The following PTPRD variants were observed in gnomAD, a reference collection of about 807,000 sequenced individuals.
The protein encoded by PTPRD is protein tyrosine phosphatase receptor type D, also known as receptor-type tyrosine-protein phosphatase delta.
A neutral mutation model predicts 214.5 loss-of-function variants in PTPRD; 34 were observed. The observed-to-expected ratio is 0.16, with a 90% CI of 0.12 to 0.21. The LOEUF (loss-of-function observed/expected upper bound fraction) is 0.21. Ranked by LOEUF, PTPRD falls within the 10% of genes least tolerant of loss-of-function variation. The probability of loss-of-function intolerance (pLI) is 1.00; values close to 1 mark genes in which losing one functional copy is unlikely to be tolerated. For missense variants in PTPRD, 2,545 were observed against 2,398.7 expected (o/e 1.06, Z -1.27); for synonymous variants, 1,128 against 845.7 (o/e 1.33, Z -5.79).
intron 10 of PTPRD, among the ~76,000 whole-genome samples, chr9:9,083,487 G>A (rs185140004): frequency 2.0e-5 from 3 of 152,204 alleles, no homozygotes; most frequent in African/African-American, 7.2e-5. Flanking sequence ...CAGGACATAG[G>A]CATGGGCTAA....
At chr9:9,011,237 C>T (rs1037782110) in intron 11 of PTPRD, among the ~76,000 whole-genome samples, 48 of 152,052 alleles carry the variant, frequency 3.2e-4, no homozygotes, top group African/African-American at 1.1e-3. Context: ...CATGGTCTCA[C>T]GTATCCCAAC....
At chr9:8,994,059 C>A (rs1296718033) in intron 11 of PTPRD, among the ~76,000 whole-genome samples, 1 of 152,066 alleles carries the variant, frequency 6.6e-6, no homozygotes, top group Non-Finnish European at 1.5e-5. Flanking sequence ...AGGATTTAAG[C>A]AACACTTTGA....
At chr9:10,060,492 G>A (rs1220994504) in intron 3 of PTPRD, among the ~76,000 whole-genome samples, 1 of 151,926 alleles carries the variant, frequency 6.6e-6, no homozygotes. Context: ...ACAAATATAT[G>A]AGGTATAATT....
At chr9:8,418,005 A>C (rs758936985) in intron 35 of PTPRD, among the ~76,000 whole-genome samples, 1 of 152,118 alleles carries the variant, frequency 6.6e-6, no homozygotes, top group Admixed American at 6.6e-5. Context: ...TGCTTCCTGT[A>C]CTGATTTAAT....
intron 11 of PTPRD, among the ~76,000 whole-genome samples, chr9:8,799,454 A>G (rs1207543193): frequency 6.6e-6 from 1 of 152,252 alleles, no homozygotes; most frequent in Admixed American, 6.5e-5. Context: ...TATAAGCACT[A>G]AATACATCAG....
intron 5 of PTPRD, among the ~76,000 whole-genome samples, chr9:9,896,169 C>G (rs998599064): frequency 1.3e-5 from 2 of 151,974 alleles, no homozygotes; most frequent in Non-Finnish European, 2.9e-5. Flanking sequence ...TACACACATA[C>G]ACAGCATATG....
At chr9:9,092,424 T>C (rs964514297) in intron 10 of PTPRD, among the ~76,000 whole-genome samples, 1 of 152,204 alleles carries the variant, frequency 6.6e-6, no homozygotes, top group African/African-American at 2.4e-5. Context: ...TGGTAAATAA[T>C]TGAATATTCA....
intron 9 of PTPRD, among the ~76,000 whole-genome samples, chr9:9,312,878 A>T (rs1347077386): frequency 6.6e-6 from 1 of 152,212 alleles, no homozygotes; most frequent in East Asian, 1.9e-4. Context: ...TTATTTTTGA[A>T]CTACGTGTTA....
intron 9 of PTPRD, among the ~76,000 whole-genome samples, chr9:9,190,509 G>C (rs971305804): frequency 4.6e-5 from 7 of 151,928 alleles, no homozygotes; most frequent in Non-Finnish European, 8.8e-5. Flanking sequence ...GGCCCCCCCA[G>C]CCATTCTCAG....
rs550845582 is a variant in PTPRD, at chr9:9,956,341, G to T, written c.-471-17731C>A. Among the ~76,000 whole-genome samples the T allele has an allele frequency of 2.6e-5, 4 of 151,068 alleles. No homozygotes were observed. In the East Asian group the frequency reaches 7.8e-4, roughly 29 times the overall value. ...TGTTATGAGACAAAAGTAGTGTAGT[G>T]ATTTAATTGAGGCTGAGAGTCAGAT... On this transcript the variant is annotated intron_variant, in intron 4 of 45. Coordinates refer to ENST00000381196, the MANE Select transcript of PTPRD (RefSeq NM_002839.4).
chr9:9,530,458 C>A (rs1027634028), intron 8 of PTPRD, among the ~76,000 whole-genome samples: 7 of 152,056 alleles, frequency 4.6e-5, no homozygotes, highest in African/African-American at 1.4e-4. Flanking sequence ...AAAACCAGAA[C>A]AGACCAATAA....
At chr9:8,518,636 C>A (rs1209688240) in intron 20 of PTPRD, among the ~76,000 whole-genome samples, 6 of 152,198 alleles carry the variant, frequency 3.9e-5, no homozygotes, top group South Asian at 2.1e-4. Flanking sequence ...CCTAGAAGGG[C>A]TTGATAGCAT....
chr9:10,347,727 C>T (rs2097111731), intron 2 of PTPRD, among the ~76,000 whole-genome samples: 1 of 151,774 alleles, frequency 6.6e-6, no homozygotes, highest in Non-Finnish European at 1.5e-5. Flanking sequence ...TGTCTTTATG[C>T]TGGAAACATT....
At chr9:9,845,077 GCT>G (rs2059204282) in intron 5 of PTPRD, among the ~76,000 whole-genome samples, 1 of 80,186 alleles carries the variant, frequency 1.2e-5, no homozygotes, top group African/African-American at 4.3e-5. Context: ...TATATATATT[GCT>G]CTATATATAT....
chr9:9,724,257 G>C (rs79552087), intron 7 of PTPRD, among the ~76,000 whole-genome samples: 34,050 of 151,994 alleles, frequency 0.22, 4,720 homozygotes, highest in South Asian at 0.3. Context: ...TGCATCCAAA[G>C]TTTGAGATAT....
intron 11 of PTPRD, among the ~76,000 whole-genome samples, chr9:8,786,386 G>A (rs1156921268): frequency 2.8e-5 from 4 of 144,500 alleles, no homozygotes; most frequent in African/African-American, 1.0e-4. Context: ...AGACAAAAAA[G>A]GAAAAGTTTG....
chr9:10,089,355 G>T (rs2098402221), intron 3 of PTPRD, among the ~76,000 whole-genome samples: 1 of 151,474 alleles, frequency 6.6e-6, no homozygotes, highest in Admixed American at 6.6e-5. Context: ...TAATGCAAAA[G>T]ATCTTGTATA....
intron 2 of PTPRD, among the ~76,000 whole-genome samples, chr9:10,374,568 A>C (rs1471095268): frequency 6.6e-6 from 1 of 151,992 alleles, no homozygotes; most frequent in African/African-American, 2.4e-5. Context: ...AGATCATCAG[A>C]TTAATATATG....
chr9:10,537,877 G>A (rs1036851982), intron 2 of PTPRD, among the ~76,000 whole-genome samples: 5 of 152,162 alleles, frequency 3.3e-5, no homozygotes, highest in Non-Finnish European at 7.4e-5. Flanking sequence ...CCCTTATAGT[G>A]TAACCAGGAA....
Sources: allele counts gnomAD v4.1 joint callset (sites outside exome capture counted in the v4.1 genomes callset), GRCh38; gene constraint gnomAD v4.1.1; transcripts MANE v1.5; gene names NCBI Gene and HGNC (gene_info 2026-07-23, HGNC 2026-07-21).